Variants in MAN2A1 observed in about 807,000 individuals in gnomAD.
MAN2A1 encodes the protein mannosidase alpha class 2A member 1.
MAN2A1 carries 76 observed loss-of-function variants against 142.6 expected under a neutral mutation model. That is an observed-to-expected ratio of 0.53 (90% CI 0.44 to 0.65). The LOEUF is 0.65. Among genes scored for constraint, MAN2A1 ranks in the 30% least tolerant of loss-of-function variants. The pLI, the probability that MAN2A1 is intolerant of heterozygous loss-of-function variation, is 0.00. For synonymous variants in MAN2A1, 559 were observed against 473.2 expected, an observed-to-expected ratio of 1.18 and a Z score of -2.35; for missense variants, 1,311 against 1,365.1, an observed-to-expected ratio of 0.96 and a Z score of 0.62.
In MAN2A1 at chr5:109,789,009, C is replaced by G. The variant is rs758294001; in HGVS notation, c.1836C>G (p.Leu612=). The G allele has an allele frequency of 1.9e-6, 3 of 1,601,942 alleles. No homozygotes were observed. The African/African-American group carries it at 4.0e-5, about 21-fold the overall frequency. The part of the protein sequence containing the change: ...SAFLLILKDK[L]TYDSYSPDTF... ...TTCTTCTTATTTTGAAGGACAAACT[C>G]ACATACGACTCTTACTCTCCTGATA... The change falls in exon 11 of 22, where the codon CTC becomes CTG. Residue 612 remains leucine, a synonymous_variant. Coordinates refer to ENST00000261483, the MANE Select transcript of MAN2A1 (RefSeq NM_002372.4).
intron 8 of MAN2A1, among the ~76,000 whole-genome samples, chr5:109,776,045 G>A (rs1337845032): frequency 6.8e-6 from 1 of 147,644 alleles, no homozygotes; most frequent in Admixed American, 6.8e-5. Context: ...ATTTGTTTGT[G>A]TTGGGACAAC....
chr5:109,864,993 C>T (rs745750013), intron 20 of MAN2A1, 43 bp from the exon 21 acceptor site: 2 of 1,300,836 alleles, frequency 1.5e-6, no homozygotes, highest in African/African-American at 2.9e-5. Context: ...TAAATATTTG[C>T]TTTATTGTCT....
chr5:109,819,921 G>T, intron 14 of MAN2A1, 34 bp downstream of exon 14: 2 of 1,405,900 alleles, frequency 1.4e-6, no homozygotes, highest in Non-Finnish European at 1.9e-6. Flanking sequence ...TTCATAGAAT[G>T]CTTATCATTT....
chr5:109,775,284 G>GTTTTGT (rs1394983423), intron 8 of MAN2A1, among the ~76,000 whole-genome samples: 1 of 151,796 alleles, frequency 6.6e-6, no homozygotes, highest in East Asian at 1.9e-4. Flanking sequence ...GTTTTGTTTT[G>GTTTTGT]TTTTTTTACC....
At chr5:109,734,697 A>G (rs1469334475) in intron 4 of MAN2A1, among the ~76,000 whole-genome samples, 1 of 152,122 alleles carries the variant, frequency 6.6e-6, no homozygotes, top group East Asian at 1.9e-4. Context: ...GAGTTTCTTA[A>G]TCCTGAGTTC....
At chr5:109,734,862 A>T (rs1490130938) in intron 4 of MAN2A1, among the ~76,000 whole-genome samples, 1 of 152,152 alleles carries the variant, frequency 6.6e-6, no homozygotes, top group Non-Finnish European at 1.5e-5. Context: ...TTTGGGGTGG[A>T]GAGTTCTGTA....
At chr5:109,713,817 T>G (rs202037587) in intron 2 of MAN2A1, 43 bp downstream of exon 2, 244 of 1,558,186 alleles carry the variant, frequency 1.6e-4, no homozygotes, top group Admixed American at 2.3e-4. Flanking sequence ...TTTTTTTTTT[T>G]TTGTTCTTTT....
intron 1 of MAN2A1, among the ~76,000 whole-genome samples, chr5:109,710,778 C>T (rs1166337587): frequency 6.6e-6 from 1 of 152,120 alleles, no homozygotes; most frequent in Non-Finnish European, 1.5e-5. Flanking sequence ...ACAACCTCCG[C>T]CTCCCGGGTT....
intron 16 of MAN2A1, among the ~76,000 whole-genome samples, chr5:109,832,577 T>C (rs1419790697): frequency 1.3e-5 from 2 of 152,178 alleles, no homozygotes; most frequent in Non-Finnish European, 2.9e-5. Context: ...TACTTCTTTC[T>C]ACACAGACAC....
In MAN2A1 at chr5:109,713,678, T is replaced by C; in HGVS notation, c.294T>C (p.Ala98=). Residue 98 remains alanine, a synonymous_variant, in exon 2 of 22, where the codon GCT becomes GCC. Coordinates refer to ENST00000261483, the MANE Select transcript of MAN2A1 (RefSeq NM_002372.4). ...CACAAAGCAATTTCAGCCAAGGTGC[T>C]GGCTCACATCTTCTGCCCTCACAAT... ...KSSQSNFSQG[A]GSHLLPSQLS... 6.2e-7 allele frequency: 1 copy of C among 1,614,268 alleles called. No individual in the cohort carries two copies. The highest frequency in any genetic ancestry group is 8.5e-7 in the Non-Finnish European group (1 of 1,180,040).
At chr5:109,790,920 C>T (rs772696606) in intron 12 of MAN2A1, among the ~76,000 whole-genome samples, 4 of 152,054 alleles carry the variant, frequency 2.6e-5, no homozygotes, top group Non-Finnish European at 5.9e-5. Context: ...AGTTTATCTC[C>T]TTCCTTCACT....
intron 5 of MAN2A1, among the ~76,000 whole-genome samples, chr5:109,758,684 T>C (rs1752757105): frequency 6.7e-6 from 1 of 148,518 alleles, no homozygotes; most frequent in Admixed American, 6.8e-5. Context: ...TTAGTTAATA[T>C]TATATAGTTA....
intron 20 of MAN2A1, 85 bp downstream of exon 20, chr5:109,855,419 G>T: frequency 1.2e-6 from 1 of 835,980 alleles, no homozygotes; most frequent in Non-Finnish European, 1.7e-6. Flanking sequence ...AAAAAATAAT[G>T]TATGCTTTAC....
intron 4 of MAN2A1, among the ~76,000 whole-genome samples, chr5:109,750,374 T>C (rs1752512581): frequency 6.6e-6 from 1 of 152,096 alleles, no homozygotes; most frequent in Non-Finnish European, 1.5e-5. Flanking sequence ...TGGTTTATTA[T>C]CTGTTTTTCT....
chr5:109,785,040 C>A, intron 10 of MAN2A1, 114 bp downstream of exon 10: 1 of 680,810 alleles, frequency 1.5e-6, no homozygotes, highest in South Asian at 2.6e-5. Flanking sequence ...ACAATGATAT[C>A]CCTCATAAGT....
intron 1 of MAN2A1, among the ~76,000 whole-genome samples, chr5:109,709,197 A>G (rs1045121545): frequency 6.6e-6 from 1 of 152,190 alleles, no homozygotes; most frequent in Admixed American, 6.5e-5. Flanking sequence ...TTAGATGTAT[A>G]TAGCATATAA....
At chr5:109,788,790 G>A (rs1464165670) in intron 10 of MAN2A1, 144 bp from the exon 11 acceptor site, 6 of 556,178 alleles carry the variant, frequency 1.1e-5, no homozygotes, top group South Asian at 2.6e-5. Context: ...GGAAAAAAGA[G>A]CAGGTTTGTC....
At chr5:109,738,288 C>A in intron 4 of MAN2A1, among the ~76,000 whole-genome samples, 2 of 141,178 alleles carry the variant, frequency 1.4e-5, no homozygotes, top group East Asian at 2.0e-4. Flanking sequence ...TCTGTATTAG[C>A]TCATTCATTC....
At chr5:109,701,828 A>T (rs1750992129) in intron 1 of MAN2A1, among the ~76,000 whole-genome samples, 2 of 152,108 alleles carry the variant, frequency 1.3e-5, no homozygotes, top group Admixed American at 6.5e-5. Context: ...ACCTTTTTCC[A>T]TTGGGGTGTT....
Sources: allele counts gnomAD v4.1 joint callset (sites outside exome capture counted in the v4.1 genomes callset), GRCh38; gene constraint gnomAD v4.1.1; transcripts MANE v1.5; gene names NCBI Gene and HGNC (gene_info 2026-07-23, HGNC 2026-07-21).